Variants in ANKRD45 observed in about 807,000 individuals in gnomAD.
The protein encoded by ANKRD45 is ankyrin repeat domain 45.
Under a neutral mutation model 28.1 loss-of-function variants are expected in ANKRD45, and 21 were observed. The ratio of observed to expected loss-of-function variants is 0.75; its 90% CI spans 0.53 to 1.08. The LOEUF is 1.08. Ranked by LOEUF, ANKRD45 falls within the 50% of genes least tolerant of loss-of-function variation. The pLI is 0.00. For missense variants in ANKRD45, 261 were observed against 308.7 expected (o/e 0.85, Z 1.16); for synonymous variants, 86 against 103.9 (o/e 0.83, Z 1.05).
chr1:173,610,847 A>G (rs565657482), intron 5 of ANKRD45, among the ~76,000 whole-genome samples: 1 of 152,254 alleles, frequency 6.6e-6, no homozygotes, highest in Admixed American at 6.5e-5. Flanking sequence ...CTTAAAAAAT[A>G]AAAAATAATT....
At chr1:173,636,959 C>T (rs1668473582) in intron 3 of ANKRD45, 3 of 1,535,540 alleles carry the variant, frequency 2.0e-6, no homozygotes, top group East Asian at 4.9e-5. Flanking sequence ...GCACAGGTCT[C>T]ACCATCCTTC....
chr1:173,636,971 T>C, intron 3 of ANKRD45: 1 of 1,535,654 alleles, frequency 6.5e-7, no homozygotes, highest in African/African-American at 1.4e-5. Context: ...CCATCCTTCC[T>C]CTAAGAAAAT....
At chr1:173,657,656 T>G (rs1236094698) in intron 2 of ANKRD45, 2 of 96,650 alleles carry the variant, frequency 2.1e-5, no homozygotes, top group East Asian at 9.4e-4. Flanking sequence ...AGCAACAGGG[T>G]CTTATCATGT....
chr1:173,635,400 G>C, intron 3 of ANKRD45: 2 of 774,736 alleles, frequency 2.6e-6, no homozygotes, highest in South Asian at 2.0e-5. Context: ...TTAACTAATA[G>C]CTCCTGGTAT....
At chr1:173,639,233 T>G (rs942430323) in intron 3 of ANKRD45, among the ~76,000 whole-genome samples, 1 of 152,168 alleles carries the variant, frequency 6.6e-6, no homozygotes, top group African/African-American at 2.4e-5. Context: ...AGAACTAATT[T>G]TTCGTGTCCT....
intron 2 of ANKRD45, among the ~76,000 whole-genome samples, chr1:173,654,194 A>G (rs1669384144): frequency 6.6e-6 from 1 of 152,140 alleles, no homozygotes; most frequent in African/African-American, 2.4e-5. Context: ...CCTAGTATCA[A>G]TGATCTTTAT....
intron 4 of ANKRD45, among the ~76,000 whole-genome samples, chr1:173,625,841 ATAG>A (rs1359216777): frequency 6.6e-6 from 1 of 152,160 alleles, no homozygotes. Flanking sequence ...TTGAAACCAC[ATAG>A]TAGGTATTAA....
chr1:173,709,291 T>C, the ANKRD45 span, among the ~76,000 whole-genome samples: 9 of 152,190 alleles, frequency 5.9e-5, no homozygotes, highest in African/African-American at 9.7e-5. Context: ...AGACCTTCAG[T>C]TCCTCTCTGA....
At chr1:173,627,585 C>A (rs944117284) in intron 3 of ANKRD45, among the ~76,000 whole-genome samples, 4 of 152,126 alleles carry the variant, frequency 2.6e-5, no homozygotes, top group African/African-American at 9.7e-5. Context: ...TAGACCAGCC[C>A]TAGCCAGAGG....
At chr1:173,658,991 G>T in intron 2 of ANKRD45, 100 bp downstream of exon 2, 2 of 1,473,664 alleles carry the variant, frequency 1.4e-6, no homozygotes, top group Non-Finnish European at 1.8e-6. Flanking sequence ...TATATGTAAA[G>T]TATAAAACAG....
intron 3 of ANKRD45, among the ~76,000 whole-genome samples, chr1:173,633,513 C>T (rs758588117): frequency 7.2e-5 from 11 of 151,998 alleles, no homozygotes; most frequent in Non-Finnish European, 1.2e-4. Context: ...TTTATGGAAC[C>T]ACAAAAGCCC....
the ANKRD45 span, among the ~76,000 whole-genome samples, chr1:173,706,909 A>G: frequency 2.6e-5 from 4 of 152,116 alleles, no homozygotes; most frequent in Admixed American, 6.5e-5. Flanking sequence ...ACTGGTCACA[A>G]ATGAGTGCAT....
At chr1:173,613,286 T>C (rs1571675444) in intron 5 of ANKRD45, among the ~76,000 whole-genome samples, 1 of 147,848 alleles carries the variant, frequency 6.8e-6, no homozygotes, top group South Asian at 2.2e-4. Flanking sequence ...GGCCGCCCCG[T>C]CTGAGAAGCG....
chr1:173,666,387 G>A (rs1670017688), intron 1 of ANKRD45, among the ~76,000 whole-genome samples: 1 of 152,094 alleles, frequency 6.6e-6, no homozygotes. Flanking sequence ...TTGTCCCTCA[G>A]TATTCATGGG....
chr1:173,690,441 C>A, the ANKRD45 span, among the ~76,000 whole-genome samples: 2 of 151,982 alleles, frequency 1.3e-5, no homozygotes, highest in African/African-American at 2.4e-5. Context: ...TTTTGAGGTG[C>A]CAGATTTGGT....
intron 5 of ANKRD45, among the ~76,000 whole-genome samples, chr1:173,610,535 T>G (rs543485869): frequency 4.6e-5 from 7 of 152,270 alleles, no homozygotes; most frequent in Non-Finnish European, 8.8e-5. Context: ...ATTTCAGAGG[T>G]TCCATCAAGA....
intron 4 of ANKRD45, among the ~76,000 whole-genome samples, chr1:173,626,397 G>C (rs1667939065): frequency 6.6e-6 from 1 of 152,050 alleles, no homozygotes; most frequent in African/African-American, 2.4e-5. Flanking sequence ...AAATTACTGT[G>C]TTTACAGCTG....
At chr1:173,620,007 G>A (rs944057060) in intron 5 of ANKRD45, among the ~76,000 whole-genome samples, 1 of 152,044 alleles carries the variant, frequency 6.6e-6, no homozygotes, top group Non-Finnish European at 1.5e-5. Context: ...ATAATAATGG[G>A]AGACTTTAAC....
intron 3 of ANKRD45, among the ~76,000 whole-genome samples, chr1:173,629,324 T>A (rs1315553985): frequency 5.9e-5 from 9 of 152,064 alleles, no homozygotes; most frequent in Admixed American, 5.2e-4. Flanking sequence ...CAGTGATCAA[T>A]CCCAGAGTGA....
Sources: allele counts gnomAD v4.1 joint callset (sites outside exome capture counted in the v4.1 genomes callset), GRCh38; gene constraint gnomAD v4.1.1; transcripts MANE v1.5; gene names NCBI Gene and HGNC (gene_info 2026-07-23, HGNC 2026-07-21).